Variants in PCDHGA5 observed in about 807,000 individuals in gnomAD.
PCDHGA5 encodes protocadherin gamma-A5.
In PCDHGA5, 36 loss-of-function variants were observed where a neutral mutation model predicts 56.7. The observed-to-expected ratio is 0.64, with a 90% CI of 0.49 to 0.84. The LOEUF (loss-of-function observed/expected upper bound fraction) is 0.84, where lower values mean the gene tolerates loss of function less well. Among genes scored for constraint, PCDHGA5 ranks in the 40% least tolerant of loss-of-function variants. PCDHGA5 has a pLI of 0.00. For missense variants in PCDHGA5, 1,305 were observed against 1,201.5 expected (o/e 1.09, Z -1.27); for synonymous variants, 563 against 520.2 (o/e 1.08, Z -1.12).
chr5:141,393,555 C>A lies in PCDHGA5; in HGVS notation c.2421+26804C>A. ...CCCGGTTTTTCCTCACCCGATTTAC[C>A]GAGTGAAAGTCCTTGAGAACATGCC... On this transcript the variant is annotated intron_variant, in intron 1 of 3. Transcript: ENST00000518069. The A allele has an allele frequency of 5.0e-6, 8 of 1,613,928 alleles. 1 individual carries two copies. Among genetic ancestry groups the A allele is most frequent in the Non-Finnish European group, 6.8e-6 (8 of 1,179,886 alleles).
chr5:141,450,823 A>ATT (rs1453980247), intron 1 of PCDHGA5, among the ~76,000 whole-genome samples: 2 of 133,076 alleles, frequency 1.5e-5, no homozygotes, highest in East Asian at 2.2e-4. Flanking sequence ...TAATATTATT[A>ATT]TTATTATTTT....
chr5:141,428,381 C>T, intron 1 of PCDHGA5: 1 of 516,406 alleles, frequency 1.9e-6, no homozygotes, highest in Non-Finnish European at 3.6e-6. Context: ...CTGCGATGCT[C>T]TTCCAGCCCC....
chr5:141,437,156 G>T (rs2097864365), intron 1 of PCDHGA5, among the ~76,000 whole-genome samples: 1 of 152,172 alleles, frequency 6.6e-6, no homozygotes, highest in African/African-American at 2.4e-5. Context: ...TAACATATGT[G>T]TTGATTGTTT....
chr5:141,365,776 C>T lies in PCDHGA5; in HGVS notation c.1446C>T (p.Gly482=), dbSNP rs764374830. The change falls in exon 1 of 4, where the codon GGC becomes GGT. Residue 482 remains glycine (G), a synonymous_variant. Coordinates refer to ENST00000518069, the MANE Select transcript of PCDHGA5 (RefSeq NM_018918.3). ...TGACAGCCCATGACCCCGACAGCGG[C>T]GACAACGCTCGAGTCACCTACTCCC... ...FSVTAHDPDS[G]DNARVTYSLA... is the part of the protein sequence containing the mutation. 6 of 1,613,892 alleles carry T rather than the reference C, an allele frequency of 3.7e-6. No homozygotes were observed. The highest frequency in any genetic ancestry group is 1.1e-5 in the South Asian group (1 of 91,076).
Position 141,410,620 on chromosome 5 carries a change from G to A in PCDHGA5, c.2421+43869G>A, listed in dbSNP as rs765125633. 4 of 1,603,524 alleles carry A rather than the reference G, an allele frequency of 2.5e-6. No homozygotes were observed. In the South Asian group the frequency reaches 3.3e-5, roughly 13 times the overall value. On this transcript the variant is annotated intron_variant, in intron 1 of 3. Coordinates refer to ENST00000518069, the MANE Select transcript of PCDHGA5 (RefSeq NM_018918.3). The stretch of plus-strand genomic sequence containing the variant: ...CTTCACATCCTGAGACTCTGACTTC[G>A]GTGAGTTTCTCTTTTTTGTGTGTGA...
intron 2 of PCDHGA5, among the ~76,000 whole-genome samples, chr5:141,497,543 T>C (rs896069181): frequency 4.7e-5 from 7 of 149,068 alleles, no homozygotes; most frequent in Non-Finnish European, 9.0e-5. Context: ...AACAAACCTT[T>C]TTTTTTTTTT....
rs770249472 is a variant in PCDHGA5, at chr5:141,477,747, C to T, written c.2422-17060C>T. On this transcript the variant is annotated intron_variant, in intron 1 of 3. Transcript: ENST00000518069. The surrounding 1 kb of genome is among the most constrained non-coding windows in gnomAD (Gnocchi z 4.9). ...ACAGCTCATATCAGCGATGGGGGCA[C>T]CCCGGTCCTAGCCACCAACATCAGC... 6.2e-7 allele frequency: 1 copy of T among 1,613,840 alleles called. No individual in the cohort carries two copies. The highest frequency in any genetic ancestry group is 1.7e-5 in the Admixed American group (1 of 60,026).
In PCDHGA5 at chr5:141,489,681, A is replaced by T; in HGVS notation, c.2422-5126A>T. ...AGATGCGCATCTCAGAATCAGCAGC[A>T]TCTGGGGCACGATTCCCACTGGACA... On this transcript the variant is annotated intron_variant, in intron 1 of 3. Transcript: ENST00000518069. This position sits in a 1 kb window ranked among gnomAD's most constrained non-coding sequence, Gnocchi z 4.5. 1 of 1,614,174 alleles carries T rather than the reference A, an allele frequency of 6.2e-7. No individual in the cohort carries two copies. The highest frequency in any genetic ancestry group is 8.5e-7 in the Non-Finnish European group (1 of 1,180,010).
chr5:141,421,418 G>C, intron 1 of PCDHGA5: 1 of 1,614,086 alleles, frequency 6.2e-7, no homozygotes, highest in Middle Eastern at 1.7e-4. Context: ...GCGAAGCGCG[G>C]AGTCCGCATC....
At chr5:141,370,531 T>C (rs373245420) in intron 1 of PCDHGA5, 8 of 1,613,822 alleles carry the variant, frequency 5.0e-6, no homozygotes, top group Middle Eastern at 1.6e-4. Flanking sequence ...AGGGGCTCGC[T>C]GGTAGGGAAC....
At chr5:141,439,215 G>A (rs1319217047) in intron 1 of PCDHGA5, among the ~76,000 whole-genome samples, 2 of 151,488 alleles carry the variant, frequency 1.3e-5, no homozygotes, top group African/African-American at 4.9e-5. Flanking sequence ...ATCCATATGT[G>A]AAAATTCTTA....
chr5:141,366,218 C>T lies in PCDHGA5; in HGVS notation c.1888C>T (p.Arg630Ter), dbSNP rs1366831646. ...GLHTGEVRTA[R>*]ALLDRDALKQ... ...GCACACGGGCGAGGTGCGCACAGCG[C>T]GAGCCCTGCTGGACAGAGACGCGCT... Residue 630 changes from arginine to a stop codon, truncating the protein, a stop_gained, in exon 1 of 4, where the codon CGA becomes TGA. Transcript: ENST00000518069. LOFTEE classifies it high-confidence loss of function. 3 of 1,613,704 alleles carry T rather than the reference C, an allele frequency of 1.9e-6. No individual in the cohort carries two copies. The highest frequency in any genetic ancestry group is 1.3e-5 in the African/African-American group (1 of 74,960).
intron 1 of PCDHGA5, chr5:141,371,246 T>G: frequency 6.2e-7 from 1 of 1,614,006 alleles, no homozygotes; most frequent in South Asian, 1.1e-5. Flanking sequence ...TCATCAATAT[T>G]GGCAAGGAAG....
In PCDHGA5 at chr5:141,389,561, G is replaced by A. The variant is rs115696241; in HGVS notation, c.2421+22810G>A. On this transcript the variant is annotated intron_variant, in intron 1 of 3. Transcript: ENST00000518069. Reference sequence around the variant, plus strand: ...ACGACCGCAACGACAATGCGCCACGGGTGCTGTACCCCGCGCTGGGTCCCG... The same window carrying A: ...ACGACCGCAACGACAATGCGCCACGAGTGCTGTACCCCGCGCTGGGTCCCG... 3,114 of 1,613,258 alleles carry A rather than the reference G, an allele frequency of 1.9e-3. 62 individuals carry two copies. The African/African-American group carries it at 0.034, about 18-fold the overall frequency.
intron 2 of PCDHGA5, among the ~76,000 whole-genome samples, chr5:141,496,334 G>T (rs959266723): frequency 2.6e-5 from 4 of 152,240 alleles, no homozygotes; most frequent in Admixed American, 6.5e-5. Context: ...GAAGTCAGGA[G>T]CCTGGAGGAG....
chr5:141,418,411 C>T, intron 1 of PCDHGA5: 1 of 1,613,986 alleles, frequency 6.2e-7, no homozygotes, highest in East Asian at 2.2e-5. Flanking sequence ...TGGAGAAAGA[C>T]AATCCTGATG....
chr5:141,490,549 C>T lies in PCDHGA5; in HGVS notation c.2422-4258C>T, dbSNP rs2099701539. ...TGCTGGTTCACCTTCCCTACACAAA[C>T]ATCTCACCATCAGGCTCAACATTTC... On this transcript the variant is annotated intron_variant, in intron 1 of 3. Transcript: ENST00000518069. The surrounding 1 kb of genome is among the most constrained non-coding windows in gnomAD (Gnocchi z 5.4). The T allele has an allele frequency of 1.9e-6, 3 of 1,614,178 alleles. No homozygotes were observed. The highest frequency in any genetic ancestry group is 1.7e-6 in the Non-Finnish European group (2 of 1,180,024).
At chr5:141,503,554 G>A (rs1395044357) in intron 2 of PCDHGA5, among the ~76,000 whole-genome samples, 11 of 149,146 alleles carry the variant, frequency 7.4e-5, no homozygotes, top group East Asian at 3.9e-4. Flanking sequence ...AGCCGAGATC[G>A]CGCCACTGTA....
Position 141,491,842 on chromosome 5 carries a change from T to C in PCDHGA5, c.2422-2965T>C, listed in dbSNP as rs551615550. The C allele has an allele frequency of 7.5e-6, 11 of 1,464,162 alleles. No homozygotes were observed. In the South Asian group the frequency reaches 1.3e-4, roughly 17 times the overall value. 90.7% of individuals were successfully genotyped at this position (1,464,162 alleles called of 1,614,324 possible). ...GCGCTCCACCCGATTCTCGGGATCA[T>C]TGGACCGTTTGCGCGAAACCAGAGT... On this transcript the variant is annotated intron_variant, in intron 1 of 3. Transcript: ENST00000518069. The surrounding 1 kb of genome is among the most constrained non-coding windows in gnomAD (Gnocchi z 6.9).
Sources: allele counts gnomAD v4.1 joint callset (sites outside exome capture counted in the v4.1 genomes callset), GRCh38; gene constraint gnomAD v4.1.1; non-coding constraint Gnocchi (gnomAD v3.1); transcripts MANE v1.5; gene names NCBI Gene and HGNC (gene_info 2026-07-23, HGNC 2026-07-21).